Variants in GRID2IP observed in about 807,000 individuals in gnomAD.
GRID2IP encodes Grid2 interacting protein, also known as delphilin.
Under a neutral mutation model 114.3 loss-of-function variants are expected in GRID2IP, and 78 were observed. The ratio of observed to expected loss-of-function variants is 0.68; its 90% CI spans 0.57 to 0.82. The LOEUF (loss-of-function observed/expected upper bound fraction) is 0.82, where lower values mean the gene tolerates loss of function less well. GRID2IP is among the 40% of genes least tolerant of loss of function. The probability of loss-of-function intolerance (pLI) is 0.00; values close to 1 mark genes in which losing one functional copy is unlikely to be tolerated. For synonymous variants in GRID2IP, 809 were observed against 724.0 expected, an observed-to-expected ratio of 1.12 and a Z score of -1.89; for missense variants, 1,727 against 1,678.5, an observed-to-expected ratio of 1.03 and a Z score of -0.51.
intron 1 of GRID2IP, among the ~76,000 whole-genome samples, chr7:6,544,767 A>G (rs1279344963): frequency 6.6e-6 from 1 of 152,118 alleles, no homozygotes; most frequent in Non-Finnish European, 1.5e-5. Flanking sequence ...CCTGGGCAAC[A>G]TAACCAGACC....
chr7:6,500,677 C>T (rs1371547387), intron 20 of GRID2IP, among the ~76,000 whole-genome samples: 1 of 152,256 alleles, frequency 6.6e-6, no homozygotes, highest in Non-Finnish European at 1.5e-5. Context: ...GCTTTCACCA[C>T]CTACTGCCCT....
chr7:6,503,135 C>T lies in GRID2IP; in HGVS notation c.2936G>A (p.Arg979His). The T allele has an allele frequency of 6.5e-7, 1 of 1,530,554 alleles. No individual in the cohort carries two copies. Among genetic ancestry groups the T allele is most frequent in the Non-Finnish European group, 8.8e-7 (1 of 1,135,084 alleles). The allele number at this position is 1,530,554 out of a possible 1,614,324, so 94.8% of individuals were successfully genotyped here. The change falls in exon 17 of 22, where the codon CGC becomes CAC. Residue 979 changes from arginine (R) to histidine (H), a missense_variant. By Grantham distance (29) the Arg-to-His change is conservative. Coordinates refer to ENST00000457091, the MANE Select transcript of GRID2IP (RefSeq NM_001145118.2). ...GGCCTGGAAGTGGAGGCTGCGCAGGCGTGTCTTGTATTCGGGAACTGACAG... is the reference window on the plus strand; with the variant it reads ...GGCCTGGAAGTGGAGGCTGCGCAGGTGTGTCTTGTATTCGGGAACTGACAG... ...QMLSVPEYKT[R>H]LRSLHFQATL...
At position 6,526,517 on chromosome 7, in the gene GRID2IP, G is replaced by C; in HGVS notation, c.833+4C>G. ...CGCTGCCAGTGCCTGTGAGCCCCGC[G>C]TACCTGCGCGCGCCCCCGGGGCCGG... is the stretch of plus-strand genomic sequence containing the variant. On this transcript the variant is annotated splice_donor_region_variant and intron_variant, in intron 3 of 21. Coordinates refer to ENST00000457091, the MANE Select transcript of GRID2IP (RefSeq NM_001145118.2). The surrounding 1 kb of genome is among the most constrained non-coding windows in gnomAD (Gnocchi z 7.6). 5 of 1,261,934 alleles carry C rather than the reference G, an allele frequency of 4.0e-6. No individual in the cohort carries two copies. The highest frequency in any genetic ancestry group is 5.0e-6 in the Non-Finnish European group (5 of 1,005,040). The allele number at this position is 1,261,934 out of a possible 1,614,324, so 78.2% of individuals were successfully genotyped here.
chr7:6,522,024 T>C, intron 4 of GRID2IP, 67 bp from the exon 5 acceptor site: 1 of 1,308,780 alleles, frequency 7.6e-7, no homozygotes, highest in Non-Finnish European at 1.1e-6. Flanking sequence ...CAGGATGCTA[T>C]CCTGTTTTAC....
chr7:6,512,653 A>G (rs1030805836), intron 8 of GRID2IP, among the ~76,000 whole-genome samples: 12 of 151,744 alleles, frequency 7.9e-5, no homozygotes, highest in Non-Finnish European at 1.5e-4. Context: ...TGGAATTACA[A>G]CTGCGTACCA....
rs1011611962 is a variant in GRID2IP at position 6,503,106 on chromosome 7, G to T, written c.2965C>A (p.Leu989Ile). ...CGGATCTCCTCTGTCTTCTCCTGGA[G>T]GGTGGCCTGGAAGTGGAGGCTGCGC... ...RLRSLHFQAT[L>I]QEKTEEIRGS... Residue 989 changes from leucine (L) to isoleucine (I), a missense_variant, in exon 17 of 22, where the codon CTC (leucine) becomes ATC (isoleucine). By Grantham distance (5) the Leu-to-Ile change is conservative. Transcript: ENST00000457091. 3 of 1,550,594 alleles carry T rather than the reference G, an allele frequency of 1.9e-6. No individual in the cohort carries two copies. Among genetic ancestry groups the T allele is most frequent in the Admixed American group, 3.9e-5 (2 of 50,806 alleles).
At position 6,514,502 on chromosome 7, in the gene GRID2IP, G is replaced by A; in HGVS notation, c.1296C>T (p.Val432=). ...TGGCAGGGGTGTCCAGCACAGGGTA[G>A]ACGTCAACGATGAGGGTGTCGATGT... is the stretch of plus-strand genomic sequence containing the variant. The part of the protein sequence containing the change: ...HRNIDTLIVD[V]YPVLDTPAKQ... Residue 432 remains valine, a synonymous_variant, in exon 8 of 22, where the codon GTC becomes GTT. Transcript: ENST00000457091. 6.5e-7 allele frequency: 1 copy of A among 1,538,512 alleles called. No homozygotes were observed. The highest frequency in any genetic ancestry group is 8.8e-7 in the Non-Finnish European group (1 of 1,139,868).
chr7:6,536,456 T>C lies in GRID2IP; in HGVS notation c.584+3262A>G, dbSNP rs1779723918. On this transcript the variant is annotated intron_variant, in intron 2 of 21. Transcript: ENST00000457091. The surrounding 1 kb of genome is among the most constrained non-coding windows in gnomAD (Gnocchi z 5.3). ...ACCCGCTGCCGCAGCTGCCGGCGGC[T>C]TGGGGACCAGCGGCGGCTGGGAAAG... 6.6e-6 allele frequency among the ~76,000 whole-genome samples: 1 copy of C among 152,080 alleles called. No homozygotes were observed. Among genetic ancestry groups the C allele is most frequent in the Non-Finnish European group, 1.5e-5 (1 of 67,982 alleles).
chr7:6,548,507 G>A (rs1488557140), intron 1 of GRID2IP, among the ~76,000 whole-genome samples: 3 of 151,972 alleles, frequency 2.0e-5, no homozygotes, highest in South Asian at 2.1e-4. Flanking sequence ...ATATATACAC[G>A]TATTAGGTAC....
At chr7:6,524,728 T>A (rs1463617675) in intron 4 of GRID2IP, among the ~76,000 whole-genome samples, 2 of 151,330 alleles carry the variant, frequency 1.3e-5, no homozygotes, top group Non-Finnish European at 3.0e-5. Flanking sequence ...TCTCGTTTGT[T>A]TTTTTTGAGA....
At chr7:6,511,071 T>C (rs1779141722) in intron 8 of GRID2IP, 32 bp from the exon 9 acceptor site, 3 of 1,375,404 alleles carry the variant, frequency 2.2e-6, no homozygotes, top group South Asian at 3.4e-5. Context: ...TGGGGCCCTC[T>C]TGCCCTCTCA....
chr7:6,537,304 G>A (rs1010673981), intron 2 of GRID2IP, among the ~76,000 whole-genome samples: 1 of 151,724 alleles, frequency 6.6e-6, no homozygotes, highest in Non-Finnish European at 1.5e-5. Flanking sequence ...AGCATTTTGG[G>A]AGGCTGAGGC....
At chr7:6,543,742 C>T (rs1779846475) in intron 1 of GRID2IP, among the ~76,000 whole-genome samples, 1 of 151,496 alleles carries the variant, frequency 6.6e-6, no homozygotes, top group Non-Finnish European at 1.5e-5. Flanking sequence ...TCCGAGTAGC[C>T]AGGATCACAG....
chr7:6,538,956 A>G (rs1053626116), intron 2 of GRID2IP, among the ~76,000 whole-genome samples: 4 of 152,188 alleles, frequency 2.6e-5, no homozygotes, highest in Non-Finnish European at 1.5e-5. Flanking sequence ...CCAAGAGCAC[A>G]CATGGTTTGT....
chr7:6,531,354 A>C (rs1179122788), intron 2 of GRID2IP, among the ~76,000 whole-genome samples: 1 of 152,184 alleles, frequency 6.6e-6, no homozygotes, highest in Admixed American at 6.5e-5. Flanking sequence ...GGCGGTTTGA[A>C]GCCGCCGCGC....
chr7:6,497,922 C>T, intron 21 of GRID2IP, 77 bp from the exon 22 acceptor site: 1 of 1,418,788 alleles, frequency 7.0e-7, no homozygotes, highest in Non-Finnish European at 9.6e-7. Flanking sequence ...TCTTCCCACA[C>T]TAGACAGCCC....
rs1779404768 is a variant in GRID2IP, at chr7:6,521,226, C to T, written c.1084+203G>A. ...CCTCAAGCGATCCTCCCACCTTGGC[C>T]TCCCAAAGTGCTGGGATTCCAGGCA... is the stretch of plus-strand genomic sequence containing the variant. On this transcript the variant is annotated intron_variant, in intron 6 of 21. Transcript: ENST00000457091. The surrounding 1 kb of genome is among the most constrained non-coding windows in gnomAD (Gnocchi z 4.1). Among the ~76,000 whole-genome samples the T allele has an allele frequency of 6.6e-6, 1 of 152,204 alleles. No individual in the cohort carries two copies. The highest frequency in any genetic ancestry group is 2.1e-4 in the South Asian group (1 of 4,832).
intron 1 of GRID2IP, among the ~76,000 whole-genome samples, chr7:6,547,715 G>A (rs568995529): frequency 6.6e-6 from 1 of 152,218 alleles, no homozygotes; most frequent in South Asian, 2.1e-4. Context: ...CACAGAGGCT[G>A]GTCTACTCAG....
At chr7:6,518,667 G>A (rs1212649981) in intron 7 of GRID2IP, among the ~76,000 whole-genome samples, 1 of 151,724 alleles carries the variant, frequency 6.6e-6, no homozygotes, top group Non-Finnish European at 1.5e-5. Flanking sequence ...ACCCAGGAGG[G>A]GGAGGTTGCA....
Sources: allele counts gnomAD v4.1 joint callset (sites outside exome capture counted in the v4.1 genomes callset), GRCh38; gene constraint gnomAD v4.1.1; non-coding constraint Gnocchi (gnomAD v3.1); transcripts MANE v1.5; gene names NCBI Gene and HGNC (gene_info 2026-07-23, HGNC 2026-07-21).